PRKN: variants seen among roughly 807,000 people sequenced by gnomAD.
PRKN encodes E3 ubiquitin-protein ligase parkin.
PRKN carries 56 observed loss-of-function variants against 59.5 expected under a neutral mutation model. The observed-to-expected ratio is 0.94, with a 90% CI of 0.76 to 1.18. The LOEUF (loss-of-function observed/expected upper bound fraction) is 1.18, where lower values mean the gene tolerates loss of function less well. Among genes scored for constraint, PRKN ranks in the 50% most tolerant of loss-of-function variants. The pLI, the probability that PRKN is intolerant of heterozygous loss-of-function variation, is 0.00. For missense variants in PRKN, 657 were observed against 596.4 expected (o/e 1.10, Z -1.06); for synonymous variants, 250 against 222.1 (o/e 1.13, Z -1.12).
At chr6:161,365,826 C>T (rs1421311144) in intron 10 of PRKN, among the ~76,000 whole-genome samples, 1 of 152,096 alleles carries the variant, frequency 6.6e-6, no homozygotes, top group Admixed American at 6.5e-5. Flanking sequence ...AAAGACTACC[C>T]GTGTAAACAT....
At chr6:161,965,457 G>A (rs1163555417) in intron 6 of PRKN, among the ~76,000 whole-genome samples, 5 of 151,984 alleles carry the variant, frequency 3.3e-5, no homozygotes, top group Non-Finnish European at 5.9e-5. Flanking sequence ...TGGAAACTAA[G>A]GAATAATGAT....
chr6:162,678,673 C>A (rs1171712201), intron 1 of PRKN, among the ~76,000 whole-genome samples: 1 of 152,152 alleles, frequency 6.6e-6, no homozygotes, highest in Non-Finnish European at 1.5e-5. Context: ...TTTGAGAGTT[C>A]TTTAAATAGT....
At chr6:162,568,531 T>C in intron 1 of PRKN, 1 of 745,950 alleles carries the variant, frequency 1.3e-6, no homozygotes. Context: ...CTGAGCCTCC[T>C]TAACCTGGAG....
rs1459611001 is a variant in PRKN, at chr6:161,679,672, C to CCA, written c.871+106098_871+106099dup. On this transcript the variant is annotated intron_variant, in intron 7 of 11. Transcript: ENST00000366898. ...TAGGTACCTTTGGTTTATAATAGAA[C>CCA]CACCCCCCCCCCTTTTTTTTTTTTA... Among the ~76,000 whole-genome samples, 5 of 72,408 alleles carry CCA rather than the reference C, an allele frequency of 6.9e-5. No homozygotes were observed. The Admixed American group carries it at 8.5e-4, about 12-fold the overall frequency. 47.5% of individuals were successfully genotyped at this position (72,408 alleles called of 152,430 possible).
intron 7 of PRKN, among the ~76,000 whole-genome samples, chr6:161,717,963 C>T (rs747344487): frequency 2.0e-5 from 3 of 152,130 alleles, no homozygotes; most frequent in Non-Finnish European, 4.4e-5. Flanking sequence ...AAGCGCTCAG[C>T]TGTGTGTGTT....
rs200003553 is a variant in PRKN at position 161,515,359 on chromosome 6, GT to G, written c.1083+33494del. On this transcript the variant is annotated intron_variant, in intron 9 of 11. Transcript: ENST00000366898. ...TTTCTGGATTCTGGATTTCTTGTGA[GT>G]TTTTATCCATGTACATATATTTTTG... Among the ~76,000 whole-genome samples, 707 of 152,262 alleles carry G rather than the reference GT, an allele frequency of 4.6e-3. 8 individuals are homozygous for G. Among genetic ancestry groups the G allele is most frequent in the Middle Eastern group, 0.017 (5 of 294 alleles).
intron 7 of PRKN, among the ~76,000 whole-genome samples, chr6:161,697,353 C>T (rs1786064863): frequency 6.6e-6 from 1 of 152,160 alleles, no homozygotes; most frequent in Admixed American, 6.5e-5. Flanking sequence ...TTACGTGCTT[C>T]CTATGAAAAG....
In PRKN at chr6:161,781,008, A is replaced by G. The variant is rs137948425; in HGVS notation, c.871+4764T>C. Among the ~76,000 whole-genome samples, 7 of 152,344 alleles carry G rather than the reference A, an allele frequency of 4.6e-5. No homozygotes were observed. In the East Asian group the frequency reaches 1.3e-3, roughly 29 times the overall value. On this transcript the variant is annotated intron_variant, in intron 7 of 11. Coordinates refer to ENST00000366898, the MANE Select transcript of PRKN (RefSeq NM_004562.3). ...GAACTATATTTTCTCATGAGTGAGT[A>G]CTTACGGAGATACATACTAAAACAT...
At chr6:161,646,095 C>T (rs1582940386) in intron 7 of PRKN, among the ~76,000 whole-genome samples, 9 of 86,202 alleles carry the variant, frequency 1.0e-4, no homozygotes, top group East Asian at 3.2e-4. Context: ...GCGTGCGTGG[C>T]GGAGGAGGCG....
intron 7 of PRKN, among the ~76,000 whole-genome samples, chr6:161,751,939 G>A (rs969769512): frequency 1.3e-5 from 2 of 152,214 alleles, no homozygotes; most frequent in African/African-American, 4.8e-5. Context: ...CCCTGCACGG[G>A]AAGGTGGTTC....
At chr6:161,679,840 C>T (rs1267984721) in intron 7 of PRKN, among the ~76,000 whole-genome samples, 4 of 147,384 alleles carry the variant, frequency 2.7e-5, no homozygotes, top group Admixed American at 1.4e-4. Flanking sequence ...CTGCAAGCTC[C>T]GCCTCCTGGG....
At chr6:162,150,660 G>A (rs1295341654) in intron 4 of PRKN, among the ~76,000 whole-genome samples, 1 of 152,098 alleles carries the variant, frequency 6.6e-6, no homozygotes, top group Non-Finnish European at 1.5e-5. Flanking sequence ...TCATTCAAAA[G>A]ATGTAAAGGA....
chr6:162,095,065 A>T (rs577345464), intron 4 of PRKN, among the ~76,000 whole-genome samples: 1 of 152,280 alleles, frequency 6.6e-6, no homozygotes, highest in Non-Finnish European at 1.5e-5. Flanking sequence ...AAAACAAAGA[A>T]GGCTGAAGAT....
chr6:161,722,070 G>A (rs1012754323), intron 7 of PRKN, among the ~76,000 whole-genome samples: 6 of 151,926 alleles, frequency 3.9e-5, no homozygotes, highest in African/African-American at 7.3e-5. Flanking sequence ...CTAAATCTCC[G>A]CCTTTACTGG....
intron 2 of PRKN, among the ~76,000 whole-genome samples, chr6:162,267,563 CAA>C (rs1780196073): frequency 6.6e-6 from 1 of 152,114 alleles, no homozygotes; most frequent in Admixed American, 6.6e-5. Flanking sequence ...TATTACCTGT[CAA>C]AGAGAAAACC....
At chr6:161,811,505 G>C (rs567644248) in intron 6 of PRKN, among the ~76,000 whole-genome samples, 1 of 152,240 alleles carries the variant, frequency 6.6e-6, no homozygotes, top group African/African-American at 2.4e-5. Context: ...ACGGGGCTTG[G>C]ACAAGAGGAG....
chr6:161,449,061 A>G (rs753886648), intron 9 of PRKN, among the ~76,000 whole-genome samples: 15 of 152,206 alleles, frequency 9.9e-5, no homozygotes, highest in Non-Finnish European at 1.8e-4. Flanking sequence ...GGGTAAGAAC[A>G]TTGTCTGGGA....
intron 1 of PRKN, among the ~76,000 whole-genome samples, chr6:162,619,865 G>A (rs1465185849): frequency 6.6e-6 from 1 of 152,046 alleles, no homozygotes; most frequent in Non-Finnish European, 1.5e-5. Context: ...TCATTCTGAC[G>A]AATGGACAGT....
chr6:161,856,067 G>A (rs1583253258), intron 6 of PRKN, among the ~76,000 whole-genome samples: 1 of 152,126 alleles, frequency 6.6e-6, no homozygotes, highest in South Asian at 2.1e-4. Context: ...TCCAGATTAC[G>A]ATCAAAGATC....
Sources: gnomAD v4.1 joint callset for allele counts (sites outside exome capture counted in the v4.1 genomes callset) on GRCh38, gnomAD v4.1.1 for gene constraint, MANE v1.5 for transcripts, NCBI Gene and HGNC (gene_info 2026-07-23, HGNC 2026-07-21) for gene names.